Variants in SAMMSON observed in about 807,000 individuals in gnomAD.
SAMMSON encodes long intergenic non-protein coding RNA 1212.
In SAMMSON at chr3:70,261,833, G is replaced by C. The variant is rs532831846; in HGVS notation, n.674+12163G>C. ...AACCAAGAAGACTAGGATGTGACTG[G>C]AACCTGAATGCCCGAACCCTTTTAG... On this transcript the variant is annotated intron_variant and non_coding_transcript_variant, in intron 6 of 9. Coordinates refer to ENST00000642114, the Ensembl canonical transcript of SAMMSON. Among the ~76,000 whole-genome samples the C allele has an allele frequency of 9.2e-5, 14 of 152,262 alleles. No homozygotes were observed. In the East Asian group the frequency reaches 2.7e-3, roughly 29 times the overall value.
intron 4 of SAMMSON, among the ~76,000 whole-genome samples, chr3:70,191,741 A>G (rs994132168): frequency 2.0e-5 from 3 of 151,946 alleles, no homozygotes; most frequent in Non-Finnish European, 4.4e-5. Flanking sequence ...TGGTTTCATA[A>G]TTTTTCACAT....
chr3:70,431,675 T>A (rs1340159816), intron 2 of SAMMSON, among the ~76,000 whole-genome samples: 2 of 152,028 alleles, frequency 1.3e-5, no homozygotes, highest in Non-Finnish European at 2.9e-5. Context: ...TTGACAATTG[T>A]ATAAGCTCAT....
intron 2 of SAMMSON, among the ~76,000 whole-genome samples, chr3:70,414,259 T>C (rs1701244694): frequency 6.6e-6 from 1 of 152,104 alleles, no homozygotes; most frequent in Admixed American, 6.6e-5. Context: ...CATGACATGG[T>C]ATTGAGAAAC....
intron 2 of SAMMSON, among the ~76,000 whole-genome samples, chr3:70,397,459 A>T (rs527652065): frequency 1.3e-4 from 20 of 152,098 alleles, no homozygotes; most frequent in Non-Finnish European, 2.4e-4. Flanking sequence ...ACACGTCACT[A>T]TGCCTGGTTA....
At chr3:70,272,434 G>A (rs1219920611) in intron 6 of SAMMSON, 2 of 152,180 alleles carry the variant, frequency 1.3e-5, no homozygotes, top group Non-Finnish European at 2.9e-5. Context: ...GTGTTGTTGA[G>A]TTCATTCATT....
intron 6 of SAMMSON, among the ~76,000 whole-genome samples, chr3:70,290,727 G>A (rs1349278092): frequency 6.6e-6 from 1 of 152,264 alleles, no homozygotes; most frequent in Middle Eastern, 3.4e-3. Flanking sequence ...GTGGGCGTAG[G>A]ACCCTCCGAG....
chr3:70,343,921 A>G (rs1702730498), intron 7 of SAMMSON, among the ~76,000 whole-genome samples: 1 of 149,804 alleles, frequency 6.7e-6, no homozygotes, highest in Admixed American at 6.7e-5. Context: ...ACATTATATA[A>G]TATAATTTTA....
chr3:70,343,479 T>C (rs1195554429), intron 7 of SAMMSON, among the ~76,000 whole-genome samples: 1 of 152,108 alleles, frequency 6.6e-6, no homozygotes. Context: ...TGTCCATCAA[T>C]GGGGATTTGG....
chr3:70,233,694 T>A (rs1346496140), intron 4 of SAMMSON, among the ~76,000 whole-genome samples: 1 of 152,192 alleles, frequency 6.6e-6, no homozygotes, highest in African/African-American at 2.4e-5. Flanking sequence ...CCATTCTTCT[T>A]ACTACAGATT....
At chr3:70,390,441 C>T (rs371422053), downstream of SAMMSON, among the ~76,000 whole-genome samples, 8 of 152,078 alleles carry the variant, frequency 5.3e-5, no homozygotes, top group Non-Finnish European at 1.0e-4. Flanking sequence ...CATGGTTCTG[C>T]AGGCTGTCCA....
At chr3:70,424,260 G>A (rs1183486369) in intron 2 of SAMMSON, among the ~76,000 whole-genome samples, 1 of 151,970 alleles carries the variant, frequency 6.6e-6, no homozygotes, top group Non-Finnish European at 1.5e-5. Flanking sequence ...TAAAAGCTAT[G>A]TGCTTAATTT....
intron 4 of SAMMSON, chr3:70,120,751 G>A (rs1476834077): frequency 3.3e-5 from 5 of 152,218 alleles, no homozygotes; most frequent in African/African-American, 1.2e-4. Flanking sequence ...GCTCTCTCAA[G>A]TGTCTGCTGA....
intron 4 of SAMMSON, among the ~76,000 whole-genome samples, chr3:70,193,216 G>A (rs553756382): frequency 1.3e-5 from 2 of 152,084 alleles, no homozygotes; most frequent in Non-Finnish European, 2.9e-5. Flanking sequence ...CCCACATTCT[G>A]GGCTCCTTCC....
Position 70,028,184 on chromosome 3 carries a change from TTC to T in SAMMSON, n.417+14513_417+14514del, listed in dbSNP as rs879418718. ...CTTCCTTCCTTCCTTCCTTCCTTCC[TTC>T]CTTTCTTTCTTTCTTTCTCTCTTTC... On this transcript the variant is annotated intron_variant and non_coding_transcript_variant, in intron 3 of 9. Transcript: ENST00000642114. Among the ~76,000 whole-genome samples, 594 of 144,116 alleles carry T rather than the reference TTC, an allele frequency of 4.1e-3. 5 individuals are homozygous for T. Among genetic ancestry groups the T allele is most frequent in the Middle Eastern group, 0.022 (6 of 272 alleles). The allele number at this position is 144,116 out of a possible 152,430, so 94.5% of individuals were successfully genotyped here.
At chr3:70,259,491 G>C (rs1701845935) in intron 6 of SAMMSON, among the ~76,000 whole-genome samples, 1 of 152,038 alleles carries the variant, frequency 6.6e-6, no homozygotes, top group African/African-American at 2.4e-5. Flanking sequence ...GCACTTGAAG[G>C]GCAGGGAGTC....
At chr3:70,210,717 A>AT (rs1701334854) in intron 4 of SAMMSON, among the ~76,000 whole-genome samples, 1 of 152,098 alleles carries the variant, frequency 6.6e-6, no homozygotes, top group African/African-American at 2.4e-5. Flanking sequence ...AGAGAAAATA[A>AT]TTTTTACCAA....
intron 2 of SAMMSON, among the ~76,000 whole-genome samples, chr3:70,428,118 A>G (rs1368833913): frequency 6.6e-6 from 1 of 152,172 alleles, no homozygotes; most frequent in Non-Finnish European, 1.5e-5. Flanking sequence ...AGGAATGAAG[A>G]TATATATTTT....
intron 4 of SAMMSON, among the ~76,000 whole-genome samples, chr3:70,180,938 A>G (rs1701048871): frequency 1.3e-5 from 2 of 152,198 alleles, no homozygotes; most frequent in Non-Finnish European, 2.9e-5. Flanking sequence ...AAAGAACAGC[A>G]ACAACAAATG....
chr3:70,123,298 G>C (rs1025141177), intron 4 of SAMMSON, among the ~76,000 whole-genome samples: 1 of 152,258 alleles, frequency 6.6e-6, no homozygotes, highest in East Asian at 1.9e-4. Flanking sequence ...ATGAAGTCTC[G>C]CTCTGTTGCC....
Sources: allele counts gnomAD v4.1 joint callset (sites outside exome capture counted in the v4.1 genomes callset), GRCh38; gene constraint gnomAD v4.1.1; transcripts MANE v1.5; gene names NCBI Gene and HGNC (gene_info 2026-07-23, HGNC 2026-07-21).